Variants in SLC8A3 observed in about 807,000 individuals in gnomAD.
SLC8A3 encodes solute carrier family 8 member A3, also known as sodium/calcium exchanger 3.
SLC8A3 carries 37 observed loss-of-function variants against 65.4 expected under a neutral mutation model. The observed-to-expected ratio is 0.57, with a 90% CI of 0.44 to 0.74. The LOEUF (loss-of-function observed/expected upper bound fraction) is 0.74, where lower values mean the gene tolerates loss of function less well. Ranked by LOEUF, SLC8A3 falls within the 30% of genes least tolerant of loss-of-function variation. The probability of loss-of-function intolerance (pLI) is 0.00; values close to 1 mark genes in which losing one functional copy is unlikely to be tolerated. For synonymous variants in SLC8A3, 461 were observed against 444.5 expected, an observed-to-expected ratio of 1.04 and a Z score of -0.47; for missense variants, 1,112 against 1,172.1, an observed-to-expected ratio of 0.95 and a Z score of 0.75.
chr14:70,164,290 C>T (rs1022527227), intron 2 of SLC8A3, among the ~76,000 whole-genome samples: 4 of 152,042 alleles, frequency 2.6e-5, no homozygotes, highest in Admixed American at 6.5e-5. Context: ...TTTTCTGCTC[C>T]GTAATACTGC....
intron 2 of SLC8A3, among the ~76,000 whole-genome samples, chr14:70,121,178 C>A (rs937879462): frequency 6.6e-6 from 1 of 152,020 alleles, no homozygotes; most frequent in Non-Finnish European, 1.5e-5. Flanking sequence ...CCTCATTTTA[C>A]AAGAGAGATT....
At chr14:70,138,905 C>T (rs1004619724) in intron 2 of SLC8A3, among the ~76,000 whole-genome samples, 3 of 152,186 alleles carry the variant, frequency 2.0e-5, no homozygotes, top group African/African-American at 4.8e-5. Flanking sequence ...AAGTAGGCTT[C>T]GCATTGGCTA....
At chr14:70,116,448 A>G (rs1893672216) in intron 2 of SLC8A3, among the ~76,000 whole-genome samples, 1 of 152,130 alleles carries the variant, frequency 6.6e-6, no homozygotes, top group Non-Finnish European at 1.5e-5. Flanking sequence ...TCTAAGGAAC[A>G]TGGTGCTTCC....
At chr14:70,082,172 T>G (rs1382403445) in intron 2 of SLC8A3, among the ~76,000 whole-genome samples, 1 of 152,218 alleles carries the variant, frequency 6.6e-6, no homozygotes, top group Non-Finnish European at 1.5e-5. Context: ...CCAAGACCCC[T>G]GCATACTTGT....
intron 2 of SLC8A3, among the ~76,000 whole-genome samples, chr14:70,075,849 G>A (rs535773776): frequency 2.6e-5 from 4 of 152,216 alleles, no homozygotes; most frequent in East Asian, 1.9e-4. Context: ...TGAAACTTTA[G>A]CATACTCGGA....
chr14:70,182,359 G>A (rs1440688306), intron 1 of SLC8A3, among the ~76,000 whole-genome samples: 3 of 152,152 alleles, frequency 2.0e-5, no homozygotes, highest in Non-Finnish European at 2.9e-5. Flanking sequence ...CCACACTGCA[G>A]TAACAGCACA....
In SLC8A3 at chr14:70,168,301, G is replaced by T. The variant is rs1897304420; in HGVS notation, c.122C>A (p.Thr41Lys). Residue 41 changes from threonine to lysine, a missense_variant, in exon 2 of 7, where the codon ACA (threonine) becomes AAA (lysine). Thr to Lys is a moderately conservative substitution (Grantham distance 78). Transcript: ENST00000356921. ...EAGGSGDVPS[T>K]GQNNESCSGS... is the part of the protein sequence containing the mutation. Reference sequence around the variant, plus strand: ...TGAACAGGACTCATTGTTCTGCCCTGTGCTTGGCACGTCCCCTGAGCCACC... The same window carrying T: ...TGAACAGGACTCATTGTTCTGCCCTTTGCTTGGCACGTCCCCTGAGCCACC... The T allele has an allele frequency of 1.9e-6, 3 of 1,614,036 alleles. No homozygotes were observed. Among genetic ancestry groups the T allele is most frequent in the Non-Finnish European group, 2.5e-6 (3 of 1,180,032 alleles).
intron 2 of SLC8A3, chr14:70,080,297 A>G: frequency 1.1e-6 from 1 of 948,374 alleles, no homozygotes; most frequent in Non-Finnish European, 1.3e-6. Context: ...GGACAGCTTG[A>G]AAGGAAAGAT....
chr14:70,076,363 G>A (rs766063926), intron 2 of SLC8A3, among the ~76,000 whole-genome samples: 1 of 152,174 alleles, frequency 6.6e-6, no homozygotes, highest in Non-Finnish European at 1.5e-5. Context: ...AAAGCTCCAT[G>A]AGAGCAGGAA....
At chr14:70,150,151 C>T (rs2140303296) in intron 2 of SLC8A3, among the ~76,000 whole-genome samples, 1 of 152,314 alleles carries the variant, frequency 6.6e-6, no homozygotes, top group East Asian at 1.9e-4. Flanking sequence ...TAACTAAAAA[C>T]TAGTACATCA....
intron 5 of SLC8A3, among the ~76,000 whole-genome samples, chr14:70,049,925 C>A (rs1004957086): frequency 1.3e-5 from 2 of 152,188 alleles, no homozygotes; most frequent in African/African-American, 4.8e-5. Flanking sequence ...GCAGAGTTGC[C>A]CACTCAGCAG....
At chr14:70,139,711 C>G (rs999961078) in intron 2 of SLC8A3, among the ~76,000 whole-genome samples, 1 of 152,166 alleles carries the variant, frequency 6.6e-6, no homozygotes, top group Non-Finnish European at 1.5e-5. Context: ...TTTGGCCAGA[C>G]AGCTGCTGGA....
At chr14:70,063,003 C>A (rs998702927) in intron 2 of SLC8A3, among the ~76,000 whole-genome samples, 2 of 152,154 alleles carry the variant, frequency 1.3e-5, no homozygotes, top group Non-Finnish European at 2.9e-5. Flanking sequence ...CTTGACTTGT[C>A]TATTGGAGGC....
At chr14:70,187,864 T>A (rs1354071329) in intron 1 of SLC8A3, among the ~76,000 whole-genome samples, 2 of 152,014 alleles carry the variant, frequency 1.3e-5, no homozygotes, top group Non-Finnish European at 2.9e-5. Context: ...CGTGCGTGCG[T>A]ATGTGCACGC....
intron 5 of SLC8A3, 82 bp downstream of exon 5, chr14:70,050,926 G>A (rs1887425332): frequency 2.4e-6 from 2 of 823,852 alleles, no homozygotes; most frequent in Middle Eastern, 3.1e-4. Context: ...CTAGGGACTG[G>A]CAGGCTGTTA....
intron 2 of SLC8A3, among the ~76,000 whole-genome samples, chr14:70,139,235 T>C (rs936650781): frequency 2.0e-5 from 3 of 152,048 alleles, no homozygotes; most frequent in African/African-American, 7.2e-5. Context: ...TTTTGGCTTC[T>C]CTCCCTCCTT....
chr14:70,078,436 A>T (rs891169521), intron 2 of SLC8A3, among the ~76,000 whole-genome samples: 2 of 152,324 alleles, frequency 1.3e-5, no homozygotes. Flanking sequence ...AGAGCTCCAT[A>T]CACATTATAT....
chr14:70,126,446 T>C (rs933014272), intron 2 of SLC8A3, among the ~76,000 whole-genome samples: 2 of 151,996 alleles, frequency 1.3e-5, no homozygotes, highest in Non-Finnish European at 2.9e-5. Context: ...ACCTAATGAA[T>C]TCCTTTATTT....
chr14:70,159,221 C>T lies in SLC8A3; in HGVS notation c.1784+7418G>A, dbSNP rs1191100273. Among the ~76,000 whole-genome samples, 4 of 152,030 alleles carry T rather than the reference C, an allele frequency of 2.6e-5. No homozygotes were observed. The East Asian group carries it at 7.7e-4, about 29-fold the overall frequency. ...GTCAGGAGTTTGAGATCAGCCTGGC[C>T]AACATGGCAAAACCCCGTCTCTACT... is the stretch of plus-strand genomic sequence containing the variant. On this transcript the variant is annotated intron_variant, in intron 2 of 6. Transcript: ENST00000356921.
Sources: gnomAD v4.1 joint callset for allele counts (sites outside exome capture counted in the v4.1 genomes callset) on GRCh38, gnomAD v4.1.1 for gene constraint, MANE v1.5 for transcripts, NCBI Gene and HGNC (gene_info 2026-07-23, HGNC 2026-07-21) for gene names.